The following KCNQ5 variants were observed in gnomAD, a reference collection of about 807,000 sequenced individuals.
The protein encoded by KCNQ5 is potassium voltage-gated channel subfamily Q member 5.
A neutral mutation model predicts 98.2 loss-of-function variants in KCNQ5; 30 were observed. That is an observed-to-expected ratio of 0.31 (90% CI 0.23 to 0.41). The LOEUF is 0.41. KCNQ5 is among the 10% of genes least tolerant of loss of function. KCNQ5 has a pLI of 1.00. For missense variants in KCNQ5, 835 were observed against 1,182.5 expected (o/e 0.71, Z 4.31); for synonymous variants, 458 against 449.4 (o/e 1.02, Z -0.24).
intron 1 of KCNQ5, among the ~76,000 whole-genome samples, chr6:72,782,576 A>G (rs1773542465): frequency 6.6e-6 from 1 of 152,220 alleles, no homozygotes; most frequent in South Asian, 2.1e-4. Context: ...AACGCAGATC[A>G]TAAGCTCAGT....
chr6:72,920,939 C>T (rs117047771), intron 1 of KCNQ5, among the ~76,000 whole-genome samples: 202 of 152,282 alleles, frequency 1.3e-3, no homozygotes, highest in Admixed American at 1.9e-3. Flanking sequence ...TCTTCCTTAT[C>T]TATTTAATTA....
chr6:72,923,495 G>C (rs1780495902), intron 1 of KCNQ5, among the ~76,000 whole-genome samples: 1 of 152,048 alleles, frequency 6.6e-6, no homozygotes, highest in South Asian at 2.1e-4. Flanking sequence ...GTGATGCTAA[G>C]CCTTTCTTTA....
intron 10 of KCNQ5, among the ~76,000 whole-genome samples, chr6:73,138,920 A>T (rs535005252): frequency 6.6e-6 from 1 of 152,346 alleles, no homozygotes; most frequent in African/African-American, 2.4e-5. Context: ...GGATGCATTT[A>T]GCAGCAGGTC....
chr6:72,941,321 TTTCCTTCCTTCCTTCC>T (rs1207605174), intron 1 of KCNQ5, among the ~76,000 whole-genome samples: 1 of 65,252 alleles, frequency 1.5e-5, no homozygotes, highest in Non-Finnish European at 4.8e-5. Context: ...TCCTTCCTTC[TTTCCTTCCTTCCTTCC>T]TTCCTTTCTT....
chr6:72,678,844 G>A (rs534149443), intron 1 of KCNQ5, among the ~76,000 whole-genome samples: 2 of 152,132 alleles, frequency 1.3e-5, no homozygotes, highest in South Asian at 2.1e-4. Context: ...TCTTAATCCC[G>A]TTTTGACTCA....
chr6:73,051,738 A>AAAAAAAAAAAAAAAAAAAAAAG (rs1772253227), intron 3 of KCNQ5, among the ~76,000 whole-genome samples: 1 of 138,822 alleles, frequency 7.2e-6, no homozygotes, highest in African/African-American at 2.7e-5. Flanking sequence ...AAAAAAAAAA[A>AAAAAAAAAAAAAAAAAAAAAAG]AACTATCCAA....
intron 2 of KCNQ5, among the ~76,000 whole-genome samples, chr6:73,030,502 A>G (rs1299905959): frequency 6.6e-6 from 1 of 152,250 alleles, no homozygotes; most frequent in Non-Finnish European, 1.5e-5. Context: ...GTACATTTAC[A>G]CCAATAACAC....
intron 1 of KCNQ5, among the ~76,000 whole-genome samples, chr6:72,750,073 C>A (rs1183040870): frequency 6.6e-6 from 1 of 152,014 alleles, no homozygotes; most frequent in Non-Finnish European, 1.5e-5. Flanking sequence ...AAAATGCTAT[C>A]CAAATAACAC....
At chr6:73,001,966 T>A (rs554307229) in intron 1 of KCNQ5, among the ~76,000 whole-genome samples, 44 of 148,522 alleles carry the variant, frequency 3.0e-4, no homozygotes, top group African/African-American at 7.7e-4. Flanking sequence ...CAAAAAATTT[T>A]AAAAAAAATT....
At chr6:72,984,546 T>G (rs1768654053) in intron 1 of KCNQ5, among the ~76,000 whole-genome samples, 1 of 152,226 alleles carries the variant, frequency 6.6e-6, no homozygotes, top group Non-Finnish European at 1.5e-5. Flanking sequence ...CCTGGTTTGC[T>G]GTTTGCTAAG....
chr6:72,914,084 A>G (rs9446788), intron 1 of KCNQ5, among the ~76,000 whole-genome samples: 2,626 of 152,266 alleles, frequency 0.017, 61 homozygotes, highest in African/African-American at 0.05. Flanking sequence ...AGGTAAGAGT[A>G]ACCTTGCTGC....
At chr6:73,159,127 G>C (rs1395046379) in intron 10 of KCNQ5, among the ~76,000 whole-genome samples, 2 of 129,092 alleles carry the variant, frequency 1.5e-5, no homozygotes, top group South Asian at 2.7e-4. Flanking sequence ...ATTTGATAAA[G>C]AAAATGTGTT....
chr6:72,789,451 C>A (rs1773920219), intron 1 of KCNQ5, among the ~76,000 whole-genome samples: 1 of 152,162 alleles, frequency 6.6e-6, no homozygotes, highest in African/African-American at 2.4e-5. Flanking sequence ...TCAGGCTAAT[C>A]CTAAACCAAG....
At position 72,671,130 on chromosome 6, in the gene KCNQ5, T is replaced by G. The variant is rs193076229; in HGVS notation, c.398+48543T>G. On this transcript the variant is annotated intron_variant, in intron 1 of 13. Transcript: ENST00000370398. Reference sequence around the variant, plus strand: ...CATTCAGTTCACGATTGTTTAGTATTCACTAAGAAGATGAAAGCGTTCTCT... The same window carrying G: ...CATTCAGTTCACGATTGTTTAGTATGCACTAAGAAGATGAAAGCGTTCTCT... Among the ~76,000 whole-genome samples the G allele has an allele frequency of 4.3e-4, 66 of 152,340 alleles. 1 individual carries two copies. Among genetic ancestry groups the G allele is most frequent in the Admixed American group, 2.7e-3 (41 of 15,304 alleles).
At position 73,194,725 on chromosome 6, in the gene KCNQ5, G is replaced by A. The variant is rs148543637; in HGVS notation, c.2110G>A (p.Ala704Thr). The A allele has an allele frequency of 1.0e-4, 167 of 1,614,204 alleles. No individual in the cohort carries two copies. The East Asian group carries it at 1.3e-3, about 13-fold the overall frequency. ...PNEFSAQTFYALSPTMHSQAT... is the reference protein window; with the variant it reads ...PNEFSAQTFYTLSPTMHSQAT... ...TGAGTTCAGTGCCCAGACTTTCTAC[G>A]CGCTTAGCCCTACTATGCACAGTCA... The change falls in exon 14 of 14, where the codon GCG (alanine) becomes ACG (threonine). Residue 704 changes from alanine to threonine, a missense_variant. Around this residue, in one of 10 missense-constraint regions of KCNQ5, gnomAD observed 416 missense variants for 446.9 expected, o/e 0.93. Transcript: ENST00000370398.
chr6:72,873,506 A>C (rs1008714944), intron 1 of KCNQ5, among the ~76,000 whole-genome samples: 1 of 152,130 alleles, frequency 6.6e-6, no homozygotes, highest in Non-Finnish European at 1.5e-5. Context: ...ACAATCCTCC[A>C]ACCTTTTATG....
chr6:72,636,102 A>G (rs2098923964), intron 1 of KCNQ5, among the ~76,000 whole-genome samples: 1 of 152,178 alleles, frequency 6.6e-6, no homozygotes, highest in African/African-American at 2.4e-5. Context: ...GAAGTTGACT[A>G]CTTTGAAAGT....
intron 1 of KCNQ5, among the ~76,000 whole-genome samples, chr6:72,642,493 A>G (rs1358724174): frequency 1.3e-5 from 2 of 152,134 alleles, no homozygotes; most frequent in Non-Finnish European, 2.9e-5. Flanking sequence ...GTGGCCAACA[A>G]ACATATGAAA....
Position 73,198,568 on chromosome 6 carries a change from T to G in KCNQ5, c.*3154T>G, listed in dbSNP as rs1351911931. Reference sequence around the variant, plus strand: ...TAATGGATCATTTCACTAAATCAGATAGAGGAAATATCATAAATATTAACT... The same window carrying G: ...TAATGGATCATTTCACTAAATCAGAGAGAGGAAATATCATAAATATTAACT... On this transcript the variant is annotated 3_prime_UTR_variant, in exon 14 of 14. Transcript: ENST00000370398. 6.6e-6 allele frequency: 1 copy of G among 152,232 alleles called. No individual in the cohort carries two copies. The highest frequency in any genetic ancestry group is 1.5e-5 in the Non-Finnish European group (1 of 68,038). The allele number at this position is 152,232 out of a possible 1,614,324, so 9.4% of individuals were successfully genotyped here.
Sources: gnomAD v4.1 joint callset for allele counts (sites outside exome capture counted in the v4.1 genomes callset) on GRCh38, gnomAD v4.1.1 for gene constraint, gnomAD v4.1.1 regional missense constraint, MANE v1.5 for transcripts, NCBI Gene and HGNC (gene_info 2026-07-23, HGNC 2026-07-21) for gene names.